SLC20A2: variants seen among roughly 807,000 people sequenced by gnomAD.
The protein encoded by SLC20A2 is solute carrier family 20 member 2.
SLC20A2 carries 30 observed loss-of-function variants against 61.0 expected under a neutral mutation model. The observed-to-expected ratio is 0.49, with a 90% confidence interval of 0.37 to 0.67. The LOEUF (loss-of-function observed/expected upper bound fraction) is 0.67, where lower values mean the gene tolerates loss of function less well. Ranked by LOEUF, SLC20A2 falls within the 30% of genes least tolerant of loss-of-function variation. The probability of loss-of-function intolerance (pLI) is 0.00; values close to 1 mark genes in which losing one functional copy is unlikely to be tolerated. For missense variants in SLC20A2, 626 were observed against 866.4 expected, an observed-to-expected ratio of 0.72 and a Z score of 3.48; for synonymous variants, 351 against 353.3, an observed-to-expected ratio of 0.99 and a Z score of 0.07.
chr8:42,507,645 G>A (rs1288959188), intron 1 of SLC20A2, among the ~76,000 whole-genome samples: 1 of 152,176 alleles, frequency 6.6e-6, no homozygotes, highest in Non-Finnish European at 1.5e-5. Context: ...AAACTCCCAA[G>A]CATTTGCAAG....
In SLC20A2 at chr8:42,498,310, T is replaced by C. The variant is rs975034465; in HGVS notation, c.-265+2721A>G. 5.3e-5 allele frequency among the ~76,000 whole-genome samples: 8 copies of C among 152,180 alleles called. 1 individual carries two copies. The highest frequency in any genetic ancestry group is 2.0e-4 in the Admixed American group (3 of 15,274). Reference sequence around the variant, plus strand: ...ACTTGTCCCCATCACTTCCCAGCTATGGAGGAGAAAGGGAAGGCACAGCCC... The same window carrying C: ...ACTTGTCCCCATCACTTCCCAGCTACGGAGGAGAAAGGGAAGGCACAGCCC... On this transcript the variant is annotated intron_variant, in intron 1 of 10. Coordinates refer to ENST00000520262, the MANE Select transcript of SLC20A2 (RefSeq NM_001257180.2).
chr8:42,475,296 C>T (rs1034222920), intron 1 of SLC20A2, among the ~76,000 whole-genome samples: 5 of 151,994 alleles, frequency 3.3e-5, no homozygotes, highest in Non-Finnish European at 7.4e-5. Context: ...GACGGGGTCG[C>T]CCTATGCTGC....
intron 5 of SLC20A2, among the ~76,000 whole-genome samples, chr8:42,451,685 G>A (rs1805676389): frequency 7.5e-6 from 1 of 134,076 alleles, no homozygotes; most frequent in Non-Finnish European, 1.6e-5. Flanking sequence ...AGATGAAGAG[G>A]AGGGGGAGGA....
intron 2 of SLC20A2, chr8:42,471,276 A>G: frequency 2.2e-6 from 1 of 455,174 alleles, no homozygotes. Flanking sequence ...TTTCTGTCGT[A>G]GCGAGGGCAG....
intron 1 of SLC20A2, among the ~76,000 whole-genome samples, chr8:42,473,534 C>A (rs1342514290): frequency 6.6e-6 from 1 of 152,210 alleles, no homozygotes; most frequent in Non-Finnish European, 1.5e-5. Context: ...CAGGTCCCTG[C>A]TCAAATATCA....
At chr8:42,541,748 GCCGCGTCACCCGGCCCCGCC>G (rs1813199898) in intron 1 of SLC20A2, 1 of 149,398 alleles carries the variant, frequency 6.7e-6, no homozygotes, top group South Asian at 2.1e-4. Context: ...CCCCGGCGGG[GCCGCGTCACCCGGCCCCGCC>G]CCGCGCCGCC....
intron 10 of SLC20A2, among the ~76,000 whole-genome samples, chr8:42,418,510 C>T: frequency 6.6e-6 from 1 of 152,126 alleles, no homozygotes. Flanking sequence ...TCTCAGCCTC[C>T]TGAGTAGGTG....
At chr8:42,485,510 C>T (rs920476744) in intron 1 of SLC20A2, among the ~76,000 whole-genome samples, 3 of 151,578 alleles carry the variant, frequency 2.0e-5, no homozygotes, top group African/African-American at 7.3e-5. Context: ...GGTGTAGTGG[C>T]GGGCGCCTGT....
intron 7 of SLC20A2, among the ~76,000 whole-genome samples, chr8:42,438,804 C>T (rs1460822511): frequency 1.3e-5 from 2 of 152,198 alleles, no homozygotes; most frequent in Non-Finnish European, 2.9e-5. Context: ...GCAATCTCTG[C>T]CTCCCAGGTT....
At chr8:42,464,095 T>TTTA (rs1806944484) in intron 3 of SLC20A2, among the ~76,000 whole-genome samples, 1 of 41,378 alleles carries the variant, frequency 2.4e-5, no homozygotes, top group African/African-American at 1.4e-4. Context: ...GGATGATCTT[T>TTTA]TTTTTTTTTT....
chr8:42,445,459 CTCCCGCCTATAA>C (rs1359287398), intron 5 of SLC20A2, among the ~76,000 whole-genome samples: 1 of 152,014 alleles, frequency 6.6e-6, no homozygotes, highest in Non-Finnish European at 1.5e-5. Flanking sequence ...GGCATGATGG[CTCCCGCCTATAA>C]TCCCAGCACT....
chr8:42,474,937 G>C (rs1483652655), intron 1 of SLC20A2, among the ~76,000 whole-genome samples: 1 of 151,724 alleles, frequency 6.6e-6, no homozygotes, highest in Non-Finnish European at 1.5e-5. Flanking sequence ...TGGGGGGTGG[G>C]GGGGACACTC....
At position 42,417,930 on chromosome 8, in the gene SLC20A2, CGGGA is replaced by C. The variant is rs398122396; in HGVS notation, c.1828_1831del (p.Ser610AlafsTer18). 6.2e-7 allele frequency: 1 copy of C among 1,613,776 alleles called. No individual in the cohort carries two copies. The highest frequency in any genetic ancestry group is 8.5e-7 in the Non-Finnish European group (1 of 1,179,842). On this transcript the variant is annotated frameshift_variant, in exon 11 of 11. Coordinates refer to ENST00000520262, the MANE Select transcript of SLC20A2 (RefSeq NM_001257180.2). LOFTEE classifies it high-confidence loss of function. Reference sequence around the variant, plus strand: ...AAAGAGGCGCCAGTCCACAGCCTTGCGGGAGCGGATCCAGCCCACGGCCACCACC... The same window carrying C: ...AAAGAGGCGCCAGTCCACAGCCTTGCGCGGATCCAGCCCACGGCCACCACC...
intron 5 of SLC20A2, among the ~76,000 whole-genome samples, chr8:42,445,589 C>T (rs1310652013): frequency 4.0e-5 from 6 of 151,850 alleles, no homozygotes; most frequent in South Asian, 4.2e-4. Flanking sequence ...TAGCCAGGCG[C>T]GGTGACAGGC....
At chr8:42,418,971 T>G (rs559413807) in intron 10 of SLC20A2, among the ~76,000 whole-genome samples, 13 of 129,890 alleles carry the variant, frequency 1.0e-4, no homozygotes, top group Non-Finnish European at 6.2e-5. Context: ...ATCATGCCAC[T>G]GCACTCCAAC....
chr8:42,506,225 C>CCA (rs1172381191), upstream of SLC20A2, among the ~76,000 whole-genome samples: 2 of 152,220 alleles, frequency 1.3e-5, no homozygotes, highest in Non-Finnish European at 2.9e-5. Context: ...TAGGTGTGAA[C>CCA]CACTGTGCCT....
intron 1 of SLC20A2, among the ~76,000 whole-genome samples, chr8:42,477,129 CAACACGCTTTTTG>C (rs1808178337): frequency 6.6e-6 from 1 of 152,222 alleles, no homozygotes; most frequent in South Asian, 2.1e-4. Flanking sequence ...CTGGGTACCT[CAACACGCTTTTTG>C]AATTGCGGCA....
intron 1 of SLC20A2, among the ~76,000 whole-genome samples, chr8:42,482,852 T>A (rs1808657585): frequency 6.7e-6 from 1 of 150,344 alleles, no homozygotes; most frequent in African/African-American, 2.5e-5. Context: ...ATGGTGAAAA[T>A]CTCTCTACAT....
At chr8:42,532,191 T>C (rs1200359384) in intron 1 of SLC20A2, among the ~76,000 whole-genome samples, 1 of 152,182 alleles carries the variant, frequency 6.6e-6, no homozygotes, top group Admixed American at 6.6e-5. Flanking sequence ...AAACTACAAA[T>C]GACCCAATAC....
Sources: allele counts gnomAD v4.1 joint callset (sites outside exome capture counted in the v4.1 genomes callset), GRCh38; gene constraint gnomAD v4.1.1; transcripts MANE v1.5; gene names NCBI Gene and HGNC (gene_info 2026-07-23, HGNC 2026-07-21).